The following AFDN variants were observed in gnomAD, a reference collection of about 807,000 sequenced individuals.
AFDN encodes the protein afadin, adherens junction formation factor.
Under a neutral mutation model 216.6 loss-of-function variants are expected in AFDN, and 68 were observed. The ratio of observed to expected loss-of-function variants is 0.31; its 90% CI spans 0.26 to 0.38. The LOEUF (loss-of-function observed/expected upper bound fraction) is 0.38, where lower values mean the gene tolerates loss of function less well. Ranked by LOEUF, AFDN falls within the 10% of genes least tolerant of loss-of-function variation. AFDN has a pLI of 1.00. For synonymous variants in AFDN, 868 were observed against 853.7 expected, an observed-to-expected ratio of 1.02 and a Z score of -0.29; for missense variants, 2,136 against 2,342.0, an observed-to-expected ratio of 0.91 and a Z score of 1.82.
chr6:167,966,111 C>A (rs921040576), intron 32 of AFDN, 66 bp downstream of exon 32: 2 of 1,536,062 alleles, frequency 1.3e-6, no homozygotes, highest in East Asian at 2.4e-5. Context: ...TCTTAAACCA[C>A]GGCCACCCCC....
At chr6:167,869,649 G>A (rs113939277) in intron 2 of AFDN, among the ~76,000 whole-genome samples, 1,549 of 152,220 alleles carry the variant, frequency 0.01, 28 homozygotes, top group African/African-American at 0.036. Context: ...CTTCAGTGCC[G>A]CCTTTTTTCC....
intron 1 of AFDN, among the ~76,000 whole-genome samples, chr6:167,846,713 G>GTT (rs150717891): frequency 1.1e-4 from 12 of 105,126 alleles, no homozygotes; most frequent in Admixed American, 2.9e-4. Flanking sequence ...AAACCAAGTT[G>GTT]TTTTTTTTTT....
At chr6:167,906,228 T>G (rs1175894549) in intron 12 of AFDN, among the ~76,000 whole-genome samples, 1 of 152,220 alleles carries the variant, frequency 6.6e-6, no homozygotes, top group Non-Finnish European at 1.5e-5. Flanking sequence ...AAAGCATTGG[T>G]TTAATGAAGT....
At chr6:167,876,893 T>C (rs1000436046) in intron 5 of AFDN, among the ~76,000 whole-genome samples, 1 of 152,160 alleles carries the variant, frequency 6.6e-6, no homozygotes, top group African/African-American at 2.4e-5. Context: ...ATATGCTTTG[T>C]TAATAAGCTG....
At chr6:167,847,977 T>C (rs1033282988) in intron 1 of AFDN, among the ~76,000 whole-genome samples, 1 of 152,238 alleles carries the variant, frequency 6.6e-6, no homozygotes, top group African/African-American at 2.4e-5. Context: ...TTGTCAGTTA[T>C]GCCAACCAGG....
chr6:167,915,174 T>C lies in AFDN; in HGVS notation c.2306T>C (p.Val769Ala). 1.2e-6 allele frequency: 2 copies of C among 1,614,070 alleles called. No homozygotes were observed. Among genetic ancestry groups the C allele is most frequent in the East Asian group, 2.2e-5 (1 of 44,890 alleles). Residue 769 changes from valine to alanine, a missense_variant, in exon 19 of 34, where the codon GTG becomes GCG. Physicochemically the swap from Val to Ala is moderately conservative, Grantham distance 64. Transcript: ENST00000683244. ...TCTCACCCTGTCTGGGCAGATGATG[T>C]GCTGCACACGCTCACAGGAGCCATG... ...NSLQRPKIDD[V>A]LHTLTGAMSL... is the part of the protein sequence containing the mutation.
chr6:167,888,107 A>G (rs1269168914), intron 6 of AFDN, among the ~76,000 whole-genome samples: 1 of 152,186 alleles, frequency 6.6e-6, no homozygotes, highest in Non-Finnish European at 1.5e-5. Context: ...AATGTTTGAT[A>G]AAGATTGAGA....
Position 167,865,075 on chromosome 6 carries a change from T to A in AFDN, c.301+329T>A, listed in dbSNP as rs146403859. Among the ~76,000 whole-genome samples the A allele has an allele frequency of 3.0e-3, 444 of 145,854 alleles. 1 individual carries two copies. Among genetic ancestry groups the A allele is most frequent in the Non-Finnish European group, 5.0e-3 (337 of 66,930 alleles). On this transcript the variant is annotated intron_variant, in intron 2 of 33. Coordinates refer to ENST00000683244, the MANE Select transcript of AFDN (RefSeq NM_001386888.1). ...TAGTATGCTACCTGCTTTTTGAGAA[T>A]GTTTTATGTGGCTCTTATGTAGAGA... is the stretch of plus-strand genomic sequence containing the variant.
At chr6:167,966,485 C>T (rs1224743329) in intron 32 of AFDN, among the ~76,000 whole-genome samples, 3 of 152,078 alleles carry the variant, frequency 2.0e-5, no homozygotes, top group African/African-American at 4.8e-5. Context: ...CTTAGTACTC[C>T]GATTTCTTTT....
At chr6:167,915,522 C>T (rs1238848207) in intron 19 of AFDN, 89 bp downstream of exon 19, 3 of 1,424,758 alleles carry the variant, frequency 2.1e-6, no homozygotes, top group South Asian at 1.4e-5. Flanking sequence ...TGCAGCAAAA[C>T]CTCAATACCC....
Position 167,830,933 on chromosome 6 carries a change from CTT to C in AFDN, c.105+3721_105+3722del, listed in dbSNP as rs71681602. Among the ~76,000 whole-genome samples, 178 of 79,298 alleles carry C rather than the reference CTT, an allele frequency of 2.2e-3. 1 individual carries two copies. The highest frequency in any genetic ancestry group is 8.0e-3 in the African/African-American group (160 of 19,952). 52.0% of individuals were successfully genotyped at this position (79,298 alleles called of 152,430 possible). A position where few individuals can be genotyped will look rare whatever the true frequency, so the allele number is the denominator to read the frequency against. ...TCATACAACTGAACTATATTTGAAACTTTTTTTTTTTTTTTTTTTTTTTTTTG... is the reference window on the plus strand; with the variant it reads ...TCATACAACTGAACTATATTTGAAACTTTTTTTTTTTTTTTTTTTTTTTTG... On this transcript the variant is annotated intron_variant, in intron 1 of 33. Transcript: ENST00000683244.
chr6:167,888,254 G>A (rs1432908318), intron 6 of AFDN, among the ~76,000 whole-genome samples: 1 of 152,178 alleles, frequency 6.6e-6, no homozygotes, highest in Non-Finnish European at 1.5e-5. Flanking sequence ...TCTTTTTAAG[G>A]TAATTGAAGC....
Position 167,963,997 on chromosome 6 carries a change from G to A in AFDN, c.4968+1430G>A, listed in dbSNP as rs199854869. 221 of 1,064,434 alleles carry A rather than the reference G, an allele frequency of 2.1e-4. 1 individual carries two copies. In the East Asian group the frequency reaches 8.6e-3, roughly 41 times the overall value. The allele number at this position is 1,064,434 out of a possible 1,614,324, so 65.9% of individuals were successfully genotyped here. A position where few individuals can be genotyped will look rare whatever the true frequency, so the allele number is the denominator to read the frequency against. On this transcript the variant is annotated intron_variant, in intron 31 of 33. Coordinates refer to ENST00000683244, the MANE Select transcript of AFDN (RefSeq NM_001386888.1). ...AGCTGGGCCCAGTCCTGGCCACGCC[G>A]GAGCCTCGGCGGGGGCAGCTGGGTT...
chr6:167,938,456 A>G (rs901798632), intron 23 of AFDN, among the ~76,000 whole-genome samples: 4 of 152,336 alleles, frequency 2.6e-5, no homozygotes, highest in Middle Eastern at 3.4e-3. Flanking sequence ...AAGATCAGTC[A>G]TGAGGAGAGC....
chr6:167,935,520 T>A (rs992440675), intron 23 of AFDN, among the ~76,000 whole-genome samples: 2 of 152,226 alleles, frequency 1.3e-5, no homozygotes, highest in Non-Finnish European at 2.9e-5. Flanking sequence ...AAATTTGTAA[T>A]TCCTGATGTC....
At chr6:167,950,791 T>G (rs956370944) in intron 29 of AFDN, among the ~76,000 whole-genome samples, 1 of 151,448 alleles carries the variant, frequency 6.6e-6, no homozygotes, top group African/African-American at 2.4e-5. Context: ...GTGAGGAGGA[T>G]GAGGATGGGC....
At chr6:167,867,674 A>G (rs926606863) in intron 2 of AFDN, among the ~76,000 whole-genome samples, 3 of 151,968 alleles carry the variant, frequency 2.0e-5, no homozygotes, top group Non-Finnish European at 4.4e-5. Flanking sequence ...CTTGTGATCC[A>G]CCTGCCTCGG....
At chr6:167,882,321 A>C (rs1350313565) in intron 6 of AFDN, among the ~76,000 whole-genome samples, 1 of 152,186 alleles carries the variant, frequency 6.6e-6, no homozygotes, top group Non-Finnish European at 1.5e-5. Context: ...GAAGTAAAAC[A>C]GACAAGATAT....
At chr6:167,961,624 C>A (rs1797046240) in intron 30 of AFDN, among the ~76,000 whole-genome samples, 2 of 152,150 alleles carry the variant, frequency 1.3e-5, no homozygotes, top group Non-Finnish European at 2.9e-5. Flanking sequence ...AAAGGCAGAA[C>A]TGGAATGACC....
Sources: allele counts gnomAD v4.1 joint callset (sites outside exome capture counted in the v4.1 genomes callset), GRCh38; gene constraint gnomAD v4.1.1; transcripts MANE v1.5; gene names NCBI Gene and HGNC (gene_info 2026-07-23, HGNC 2026-07-21).